The following CAMK2D variants were observed in gnomAD, a reference collection of about 807,000 sequenced individuals.
CAMK2D encodes the protein calcium/calmodulin dependent protein kinase II delta.
A neutral mutation model predicts 84.0 loss-of-function variants in CAMK2D; 37 were observed. The ratio of observed to expected loss-of-function variants is 0.44; its 90% CI spans 0.34 to 0.58. The LOEUF is 0.58. CAMK2D is among the 20% of genes least tolerant of loss of function. CAMK2D has a pLI of 0.02. For synonymous variants in CAMK2D, 202 were observed against 212.5 expected (o/e 0.95, Z 0.43); for missense variants, 448 against 652.5 (o/e 0.69, Z 3.41).
At chr4:113,696,162 A>G (rs1321705605) in intron 2 of CAMK2D, among the ~76,000 whole-genome samples, 1 of 149,474 alleles carries the variant, frequency 6.7e-6, no homozygotes, top group Non-Finnish European at 1.5e-5. Flanking sequence ...ATTGCAACGC[A>G]CACCACTTGA....
chr4:113,661,650 A>C (rs1039482147), intron 3 of CAMK2D, 63 bp downstream of exon 3: 3 of 693,002 alleles, frequency 4.3e-6, no homozygotes, highest in Non-Finnish European at 7.1e-6. Context: ...TAGCATTTTT[A>C]TTGTGGTAAA....
At position 113,601,416 on chromosome 4, in the gene CAMK2D, A is replaced by G. The variant is rs148319554; in HGVS notation, c.275+7736T>C. 1.2e-3 allele frequency among the ~76,000 whole-genome samples: 184 copies of G among 152,056 alleles called. 2 individuals are homozygous for G. Among genetic ancestry groups the G allele is most frequent in the African/African-American group, 4.3e-3 (177 of 41,530 alleles). ...TCAATAAAAGGAACACGATCCGGAT[A>G]TGCCCTTTCATGAGGAAAAAAAAAA... On this transcript the variant is annotated intron_variant, in intron 4 of 20. Transcript: ENST00000511664.
At chr4:113,621,224 C>T (rs1209296233) in intron 3 of CAMK2D, among the ~76,000 whole-genome samples, 2 of 152,144 alleles carry the variant, frequency 1.3e-5, no homozygotes. Context: ...ATTTTATTCA[C>T]TCATTATATA....
At chr4:113,610,721 C>T (rs1048509434) in intron 3 of CAMK2D, among the ~76,000 whole-genome samples, 3 of 152,182 alleles carry the variant, frequency 2.0e-5, no homozygotes, top group African/African-American at 7.2e-5. Flanking sequence ...CTCTACTTAG[C>T]TCTTGAGTGC....
intron 4 of CAMK2D, among the ~76,000 whole-genome samples, chr4:113,566,294 A>G (rs1033516242): frequency 3.9e-5 from 6 of 152,214 alleles, no homozygotes. Flanking sequence ...ATATATGTGT[A>G]GAGTTCAGTC....
At chr4:113,701,146 T>A (rs1325234218) in intron 2 of CAMK2D, among the ~76,000 whole-genome samples, 2 of 152,218 alleles carry the variant, frequency 1.3e-5, no homozygotes, top group African/African-American at 4.8e-5. Flanking sequence ...TTTCTTCATG[T>A]CACATCCCTG....
intron 13 of CAMK2D, 25 bp downstream of exon 13, chr4:113,509,613 G>A (rs1713008294): frequency 6.7e-7 from 1 of 1,496,900 alleles, no homozygotes; most frequent in Non-Finnish European, 9.3e-7. Flanking sequence ...GTCAGAAATG[G>A]ATTAGGGGCA....
chr4:113,726,374 C>CTTTTTTTTTTTTTTT (rs34696947), intron 2 of CAMK2D, among the ~76,000 whole-genome samples: 1 of 69,546 alleles, frequency 1.4e-5, no homozygotes, highest in Non-Finnish European at 2.5e-5. Context: ...TTTGCTTGGG[C>CTTTTTTTTTTTTTTT]TTTTTTTTTT....
intron 6 of CAMK2D, among the ~76,000 whole-genome samples, chr4:113,543,301 T>G (rs539542034): frequency 4.7e-4 from 71 of 152,332 alleles, no homozygotes; most frequent in African/African-American, 1.6e-3. Context: ...AATATTTTTC[T>G]GAATGCAGTA....
chr4:113,711,388 A>G (rs1183932022), intron 2 of CAMK2D, among the ~76,000 whole-genome samples: 2 of 152,006 alleles, frequency 1.3e-5, no homozygotes, highest in East Asian at 3.8e-4. Flanking sequence ...AATAAGCTTA[A>G]AAAAGAAAAT....
At chr4:113,509,804 C>A in intron 12 of CAMK2D, 129 bp from the exon 13 acceptor site, 1 of 668,828 alleles carries the variant, frequency 1.5e-6, no homozygotes, top group Non-Finnish European at 2.7e-6. Context: ...GGCAAGTTAT[C>A]AAAGTCACAC....
chr4:113,638,317 A>T (rs549238002), intron 3 of CAMK2D, among the ~76,000 whole-genome samples: 57 of 152,270 alleles, frequency 3.7e-4, no homozygotes, highest in African/African-American at 1.3e-3. Context: ...AGACAGAGAG[A>T]GAGAAAATTT....
intron 3 of CAMK2D, among the ~76,000 whole-genome samples, chr4:113,624,295 G>A (rs1297877059): frequency 2.6e-5 from 4 of 152,170 alleles, no homozygotes; most frequent in Non-Finnish European, 5.9e-5. Context: ...ATGGAAAGAT[G>A]TCTTGAATAT....
intron 4 of CAMK2D, among the ~76,000 whole-genome samples, chr4:113,592,730 C>G (rs1429519895): frequency 2.0e-5 from 3 of 151,928 alleles, no homozygotes. Context: ...TTAAACATGT[C>G]TTAAAAATGT....
intron 2 of CAMK2D, among the ~76,000 whole-genome samples, chr4:113,676,545 T>C (rs1028103962): frequency 4.6e-5 from 7 of 152,230 alleles, no homozygotes; most frequent in Admixed American, 1.3e-4. Flanking sequence ...CTTCTTTGAG[T>C]TCCTCAAATG....
chr4:113,728,221 C>A (rs2099551977), intron 2 of CAMK2D, among the ~76,000 whole-genome samples: 1 of 152,132 alleles, frequency 6.6e-6, no homozygotes, highest in African/African-American at 2.4e-5. Context: ...CTGGTTTATT[C>A]ATAAAATTGC....
At chr4:113,558,663 A>G (rs1461471299) in intron 4 of CAMK2D, among the ~76,000 whole-genome samples, 1 of 152,150 alleles carries the variant, frequency 6.6e-6, no homozygotes, top group East Asian at 1.9e-4. Flanking sequence ...ATATACACAC[A>G]CATACACTAC....
intron 8 of CAMK2D, among the ~76,000 whole-genome samples, chr4:113,530,910 C>T (rs1419290239): frequency 6.6e-6 from 1 of 151,908 alleles, no homozygotes; most frequent in Non-Finnish European, 1.5e-5. Context: ...ATGGTGAAAC[C>T]CTGTCTCTAC....
intron 13 of CAMK2D, among the ~76,000 whole-genome samples, chr4:113,507,376 C>T (rs1159635789): frequency 1.3e-5 from 2 of 151,700 alleles, no homozygotes; most frequent in Non-Finnish European, 2.9e-5. Flanking sequence ...TCAGCCTCCC[C>T]AGTAGCTGGG....
Sources: allele counts gnomAD v4.1 joint callset (sites outside exome capture counted in the v4.1 genomes callset), GRCh38; gene constraint gnomAD v4.1.1; transcripts MANE v1.5; gene names NCBI Gene and HGNC (gene_info 2026-07-23, HGNC 2026-07-21).